VPS13B: variants seen among roughly 807,000 people sequenced by gnomAD.
The protein encoded by VPS13B is vacuolar protein sorting 13 homolog B.
A neutral mutation model predicts 426.4 loss-of-function variants in VPS13B; 285 were observed. The observed-to-expected ratio is 0.67, with a 90% CI of 0.61 to 0.74. The LOEUF (loss-of-function observed/expected upper bound fraction) is 0.74, where lower values mean the gene tolerates loss of function less well. Among genes scored for constraint, VPS13B ranks in the 30% least tolerant of loss-of-function variants. The pLI, the probability that VPS13B is intolerant of heterozygous loss-of-function variation, is 0.00. For missense variants in VPS13B, 4,537 were observed against 4,782.6 expected (o/e 0.95, Z 1.51); for synonymous variants, 1,676 against 1,676.4 (o/e 1.00, Z 0.01).
At chr8:99,657,470 T>TTGTGTGTGTGTGTGTGTG (rs34355540) in intron 34 of VPS13B, among the ~76,000 whole-genome samples, 8,145 of 146,878 alleles carry the variant, frequency 0.055, 279 homozygotes, top group Non-Finnish European at 0.075. Flanking sequence ...ACTTTAAAAA[T>TTGTGTGTGTGTGTGTGTG]TGTGTGTGTG....
intron 33 of VPS13B, among the ~76,000 whole-genome samples, chr8:99,595,455 A>T (rs1196942063): frequency 6.6e-6 from 1 of 151,970 alleles, no homozygotes; most frequent in Non-Finnish European, 1.5e-5. Flanking sequence ...TGCCTAAATC[A>T]TATCATATGT....
chr8:99,103,707 G>A (rs190554616), intron 5 of VPS13B, among the ~76,000 whole-genome samples: 4 of 152,058 alleles, frequency 2.6e-5, no homozygotes, highest in East Asian at 3.9e-4. Context: ...CACCATGTTA[G>A]CCAGGATGGT....
intron 19 of VPS13B, among the ~76,000 whole-genome samples, chr8:99,317,155 G>A (rs1485976618): frequency 6.6e-6 from 1 of 152,076 alleles, no homozygotes; most frequent in African/African-American, 2.4e-5. Flanking sequence ...ACCTCTTTGA[G>A]GTTATCCCAG....
intron 17 of VPS13B, among the ~76,000 whole-genome samples, chr8:99,258,876 G>A (rs1817899439): frequency 6.6e-6 from 1 of 152,122 alleles, no homozygotes; most frequent in African/African-American, 2.4e-5. Context: ...ACATTATACA[G>A]CTTTTTGATG....
At chr8:99,639,027 T>C (rs1829189729) in intron 33 of VPS13B, among the ~76,000 whole-genome samples, 2 of 152,220 alleles carry the variant, frequency 1.3e-5, no homozygotes, top group South Asian at 4.1e-4. Context: ...CTGCCCATTG[T>C]TGGATATTTA....
chr8:99,548,158 T>C (rs1434567676), intron 30 of VPS13B, among the ~76,000 whole-genome samples: 2 of 152,124 alleles, frequency 1.3e-5, no homozygotes, highest in Non-Finnish European at 2.9e-5. Flanking sequence ...TATCATTCTA[T>C]TAGAATTCTT....
At chr8:99,606,067 T>G (rs1430572505) in intron 33 of VPS13B, among the ~76,000 whole-genome samples, 2 of 152,078 alleles carry the variant, frequency 1.3e-5, no homozygotes, top group Non-Finnish European at 2.9e-5. Flanking sequence ...GGCTAATTTT[T>G]GTATTATTTT....
At chr8:99,697,764 G>A (rs1292548489) in intron 35 of VPS13B, 2 of 627,244 alleles carry the variant, frequency 3.2e-6, no homozygotes, top group South Asian at 3.0e-5. Flanking sequence ...AACATCATCA[G>A]TGTCACTGAG....
intron 3 of VPS13B, among the ~76,000 whole-genome samples, chr8:99,062,215 A>G (rs779544743): frequency 6.6e-6 from 1 of 152,218 alleles, no homozygotes; most frequent in Non-Finnish European, 1.5e-5. Flanking sequence ...AAGATAGGAC[A>G]TGCCATTTCC....
Position 99,665,384 on chromosome 8 carries a change from G to C in VPS13B, c.6046+3893G>C, listed in dbSNP as rs956878853. On this transcript the variant is annotated intron_variant, in intron 35 of 61. Coordinates refer to ENST00000357162, the MANE Select transcript of VPS13B (RefSeq NM_152564.5). ...TTGCTTTTGGTGTTTTAGACATGAA[G>C]TCCTTGCCCATGCCTATGTCCTGAA... 1.5e-4 allele frequency among the ~76,000 whole-genome samples: 23 copies of C among 152,100 alleles called. 1 individual carries two copies. Among genetic ancestry groups the C allele is most frequent in the Admixed American group, 1.4e-3 (22 of 15,270 alleles).
At chr8:99,212,439 T>A (rs1250131386) in intron 17 of VPS13B, among the ~76,000 whole-genome samples, 6 of 152,316 alleles carry the variant, frequency 3.9e-5, no homozygotes, top group East Asian at 3.9e-4. Context: ...CCTTGGAAAG[T>A]GTGCTGTGAG....
rs1816387879 is a variant in VPS13B, at chr8:99,853,385, AAAAG to A, written c.10062-59_10062-56del. 10 of 1,562,524 alleles carry A rather than the reference AAAAG, an allele frequency of 6.4e-6. No individual in the cohort carries two copies. The East Asian group carries it at 9.0e-5, about 14-fold the overall frequency. On this transcript the variant is annotated intron_variant, in intron 55 of 61. Coordinates refer to ENST00000357162, the MANE Select transcript of VPS13B (RefSeq NM_152564.5). ...GTATTTAATAGGGTACTGTCAATAAAAAAGAAAGAAGAGAGAAAGAAAAGGTGAG... is the reference window on the plus strand; with the variant it reads ...GTATTTAATAGGGTACTGTCAATAAAAAAGAAGAGAGAAAGAAAAGGTGAG...
intron 3 of VPS13B, among the ~76,000 whole-genome samples, chr8:99,080,480 T>A (rs1021859920): frequency 2.0e-5 from 3 of 152,222 alleles, no homozygotes; most frequent in African/African-American, 7.2e-5. Context: ...CTGTACCATT[T>A]GAATTGTTTC....
intron 19 of VPS13B, among the ~76,000 whole-genome samples, chr8:99,283,343 G>A (rs1050521495): frequency 6.6e-6 from 1 of 152,064 alleles, no homozygotes; most frequent in Non-Finnish European, 1.5e-5. Context: ...CCCTGAGGAC[G>A]TTACTATGTA....
intron 21 of VPS13B, among the ~76,000 whole-genome samples, chr8:99,396,550 A>G (rs1301505027): frequency 6.6e-6 from 1 of 152,144 alleles, no homozygotes; most frequent in Non-Finnish European, 1.5e-5. Flanking sequence ...CAGTCCTGCA[A>G]ATCAGGTCTG....
At chr8:99,352,646 A>G (rs1272419477) in intron 19 of VPS13B, among the ~76,000 whole-genome samples, 2 of 152,072 alleles carry the variant, frequency 1.3e-5, no homozygotes, top group African/African-American at 4.8e-5. Flanking sequence ...CAACATGGTG[A>G]AACCCTGTCT....
chr8:99,541,336 AT>A (rs1288220768), intron 30 of VPS13B, among the ~76,000 whole-genome samples: 1 of 151,082 alleles, frequency 6.6e-6, no homozygotes, highest in African/African-American at 2.4e-5. Context: ...AGCATGGCAC[AT>A]TTTTTTTTAA....
At chr8:99,710,142 A>G (rs1832651253) in intron 36 of VPS13B, among the ~76,000 whole-genome samples, 1 of 152,234 alleles carries the variant, frequency 6.6e-6, no homozygotes, top group African/African-American at 2.4e-5. Flanking sequence ...CAGAAAATGT[A>G]CAGGGTAATT....
chr8:99,232,438 C>T (rs1475689571), intron 17 of VPS13B, among the ~76,000 whole-genome samples: 1 of 151,944 alleles, frequency 6.6e-6, no homozygotes, highest in East Asian at 1.9e-4. Context: ...GTGTAGGTCA[C>T]CTCGAAGCTC....
Sources: allele counts gnomAD v4.1 joint callset (sites outside exome capture counted in the v4.1 genomes callset), GRCh38; gene constraint gnomAD v4.1.1; transcripts MANE v1.5; gene names NCBI Gene and HGNC (gene_info 2026-07-23, HGNC 2026-07-21).